ANO2: variants seen among roughly 807,000 people sequenced by gnomAD.
ANO2 encodes the protein anoctamin 2.
Under a neutral mutation model 124.2 loss-of-function variants are expected in ANO2, and 101 were observed. The ratio of observed to expected loss-of-function variants is 0.81; its 90% CI spans 0.69 to 0.96. The LOEUF is 0.96. ANO2 is among the 40% of genes least tolerant of loss of function. ANO2 has a pLI of 0.00. For synonymous variants in ANO2, 486 were observed against 482.5 expected (o/e 1.01, Z -0.09); for missense variants, 1,293 against 1,274.5 (o/e 1.01, Z -0.22).
At chr12:5,935,364 G>A (rs987370870) in intron 1 of ANO2, among the ~76,000 whole-genome samples, 4 of 152,148 alleles carry the variant, frequency 2.6e-5, no homozygotes, top group Non-Finnish European at 4.4e-5. Context: ...GTTCATGAAG[G>A]CACTGGAGAC....
Position 5,563,363 on chromosome 12 carries a change from G to A in ANO2, c.2933C>T (p.Ala978Val). The A allele has an allele frequency of 6.2e-7, 1 of 1,604,376 alleles. No individual in the cohort carries two copies. Among genetic ancestry groups the A allele is most frequent in the Non-Finnish European group, 8.5e-7 (1 of 1,176,380 alleles). Reference sequence around the variant, plus strand: ...GCCCAGCTGGCTTTGGCCTGAAGGTGCTGAGCTGGCTGCCCGGCTCCTGCT... The same window carrying A: ...GCCCAGCTGGCTTTGGCCTGAAGGTACTGAGCTGGCTGCCCGGCTCCTGCT... ...DRSRSRAASS[A>V]PSGQSQLGSM... Residue 978 changes from alanine to valine, a missense_variant, in exon 25 of 25, where the codon GCA becomes GTA. Physicochemically the swap from Ala to Val is moderately conservative, Grantham distance 64 (BLOSUM62 0). Transcript: ENST00000682330.
rs184767754 is a variant in ANO2, at chr12:5,612,411, T to C, written c.2087+245A>G. ...TCTGGGGGCCAAGACATCTGACTCCTGGCTCTGCTACTTACTAGTTATGTG... is the reference window on the plus strand; with the variant it reads ...TCTGGGGGCCAAGACATCTGACTCCCGGCTCTGCTACTTACTAGTTATGTG... On this transcript the variant is annotated intron_variant, in intron 19 of 24. Transcript: ENST00000682330. Among the ~76,000 whole-genome samples the C allele has an allele frequency of 5.3e-5, 8 of 152,340 alleles. No homozygotes were observed. The East Asian group carries it at 5.8e-4, about 11-fold the overall frequency.
At chr12:5,860,248 G>T (rs1955225344) in intron 3 of ANO2, among the ~76,000 whole-genome samples, 1 of 152,076 alleles carries the variant, frequency 6.6e-6, no homozygotes, top group South Asian at 2.1e-4. Flanking sequence ...CTCTTCCTGA[G>T]CCGTGGATTA....
In ANO2 at chr12:5,636,985, G is replaced by A. The variant is rs991280789; in HGVS notation, c.1621-1638C>T. On this transcript the variant is annotated intron_variant, in intron 15 of 24. Transcript: ENST00000682330. The surrounding 1 kb of genome is among the most constrained non-coding windows in gnomAD (Gnocchi z 4.6). ...GGCGTTCTCTGGGTAGAGGAAGGCT[G>A]TGTGTGTTTGGGTGTGTGTGGGTGT... is the stretch of plus-strand genomic sequence containing the variant. Among the ~76,000 whole-genome samples, 2 of 151,780 alleles carry A rather than the reference G, an allele frequency of 1.3e-5. No individual in the cohort carries two copies. Among genetic ancestry groups the A allele is most frequent in the Non-Finnish European group, 2.9e-5 (2 of 67,960 alleles).
chr12:5,903,678 G>GTGTGTGT (rs1565765485), intron 3 of ANO2, among the ~76,000 whole-genome samples: 7 of 108,658 alleles, frequency 6.4e-5, no homozygotes, highest in African/African-American at 2.2e-4. Context: ...TGTGTGTGTG[G>GTGTGTGT]GTGTAGACAG....
chr12:5,665,157 C>T (rs934983824), intron 14 of ANO2, among the ~76,000 whole-genome samples: 1 of 152,162 alleles, frequency 6.6e-6, no homozygotes, highest in African/African-American at 2.4e-5. Flanking sequence ...CTCTGCAAAG[C>T]GCAGAGGGTG....
Position 5,578,416 on chromosome 12 carries a change from T to C in ANO2, c.2336A>G (p.Lys779Arg), listed in dbSNP as rs1216544376. The C allele has an allele frequency of 1.9e-6, 3 of 1,613,962 alleles. No homozygotes were observed. The Admixed American group carries it at 5.0e-5, about 27-fold the overall frequency. ...NVIEVRLDAK[K>R]FVTELRRPDA... ...CGGCCGTCTCAGCTCTGTAACAAAC[T>C]TCTTTGCATCGAGCCGCACTTCAAT... Residue 779 changes from lysine to arginine, a missense_variant, in exon 21 of 25, where the codon AAG (lysine) becomes AGG (arginine). Transcript: ENST00000682330.
At chr12:5,833,428 T>A (rs969548541) in intron 4 of ANO2, among the ~76,000 whole-genome samples, 1 of 152,212 alleles carries the variant, frequency 6.6e-6, no homozygotes, top group Admixed American at 6.5e-5. Context: ...CATATTCTTT[T>A]AAGAGGTAGC....
At chr12:5,678,551 C>A (rs1053492735) in intron 14 of ANO2, among the ~76,000 whole-genome samples, 2 of 152,130 alleles carry the variant, frequency 1.3e-5, no homozygotes, top group Non-Finnish European at 2.9e-5. Context: ...GGACTGAGTT[C>A]AAAATTTTCC....
chr12:5,610,352 T>C (rs1944449822), intron 19 of ANO2, among the ~76,000 whole-genome samples: 1 of 54,844 alleles, frequency 1.8e-5, no homozygotes, highest in African/African-American at 8.2e-5. Flanking sequence ...CATAAATATA[T>C]AAATGCATAT....
intron 11 of ANO2, among the ~76,000 whole-genome samples, chr12:5,744,824 G>A (rs1951218806): frequency 6.6e-6 from 1 of 152,196 alleles, no homozygotes; most frequent in African/African-American, 2.4e-5. Context: ...CTCACCTCCA[G>A]AAGGAGAAGT....
chr12:5,743,006 A>G (rs1353347185), intron 12 of ANO2, among the ~76,000 whole-genome samples: 1 of 151,780 alleles, frequency 6.6e-6, no homozygotes, highest in Non-Finnish European at 1.5e-5. Flanking sequence ...CTGATAATAG[A>G]GAATAGAGTG....
intron 14 of ANO2, among the ~76,000 whole-genome samples, chr12:5,711,803 C>T (rs931497710): frequency 2.0e-5 from 3 of 152,270 alleles, no homozygotes; most frequent in African/African-American, 7.2e-5. Flanking sequence ...GGGTTCCTCC[C>T]CATGATTTGT....
At chr12:5,777,656 C>T (rs1435939710) in intron 10 of ANO2, among the ~76,000 whole-genome samples, 5 of 152,128 alleles carry the variant, frequency 3.3e-5, no homozygotes, top group African/African-American at 7.2e-5. Context: ...AAAACACATA[C>T]AGATTTTTAA....
At chr12:5,898,141 G>T (rs1939924407) in intron 3 of ANO2, among the ~76,000 whole-genome samples, 1 of 151,902 alleles carries the variant, frequency 6.6e-6, no homozygotes, top group Non-Finnish European at 1.5e-5. Context: ...TATATGAAAA[G>T]GTTTTTATCT....
chr12:5,688,689 C>T (rs999831321), intron 14 of ANO2, among the ~76,000 whole-genome samples: 1 of 152,140 alleles, frequency 6.6e-6, no homozygotes, highest in African/African-American at 2.4e-5. Flanking sequence ...ACTCTGAAAA[C>T]AGGTCAAAAT....
chr12:5,696,217 G>A (rs141777939), intron 14 of ANO2, among the ~76,000 whole-genome samples: 1 of 152,206 alleles, frequency 6.6e-6, no homozygotes, highest in African/African-American at 2.4e-5. Flanking sequence ...CTGGCTTCTT[G>A]AAAAGACTGA....
At chr12:5,783,508 G>C (rs368911188) in intron 10 of ANO2, among the ~76,000 whole-genome samples, 1 of 152,192 alleles carries the variant, frequency 6.6e-6, no homozygotes, top group Admixed American at 6.5e-5. Flanking sequence ...CCAGCTCTTA[G>C]GAAGTATCAT....
chr12:5,665,136 C>A (rs540485814), intron 14 of ANO2, among the ~76,000 whole-genome samples: 91 of 152,280 alleles, frequency 6.0e-4, no homozygotes, highest in African/African-American at 2.1e-3. Flanking sequence ...CTTCCCTGAA[C>A]TGCAGGATGT....
Sources: gnomAD v4.1 joint callset for allele counts (sites outside exome capture counted in the v4.1 genomes callset) on GRCh38, gnomAD v4.1.1 for gene constraint, Gnocchi (gnomAD v3.1) non-coding constraint, MANE v1.5 for transcripts, NCBI Gene and HGNC (gene_info 2026-07-23, HGNC 2026-07-21) for gene names.